Variants in AGPAT4 observed in about 807,000 individuals in gnomAD.
The protein encoded by AGPAT4 is 1-acylglycerol-3-phosphate O-acyltransferase 4.
In AGPAT4, 15 loss-of-function variants were observed where a neutral mutation model predicts 48.0. That is an observed-to-expected ratio of 0.31 (90% CI 0.21 to 0.48). AGPAT4 has a LOEUF of 0.48. Ranked by LOEUF, AGPAT4 falls within the 20% of genes least tolerant of loss-of-function variation. The pLI, the probability that AGPAT4 is intolerant of heterozygous loss-of-function variation, is 0.99. For synonymous variants in AGPAT4, 178 were observed against 198.7 expected (o/e 0.90, Z 0.88); for missense variants, 314 against 482.5 (o/e 0.65, Z 3.27).
chr6:161,219,916 C>CGGCAGGCAGGCAGGCAGGCAGGCGGCA lies in AGPAT4; in HGVS notation c.178+12119_178+12120insTGCCGCCTGCCTGCCTGCCTGCCTGCC, dbSNP rs1781780997. 9.4e-6 allele frequency among the ~76,000 whole-genome samples: 1 copy of CGGCAGGCAGGCAGGCAGGCAGGCGGCA among 105,990 alleles called. No individual in the cohort carries two copies. The highest frequency in any genetic ancestry group is 2.0e-5 in the Non-Finnish European group (1 of 49,256). The allele number at this position is 105,990 out of a possible 152,430, so 69.5% of individuals were successfully genotyped here. On this transcript the variant is annotated intron_variant, in intron 2 of 8. Coordinates refer to ENST00000320285, the MANE Select transcript of AGPAT4 (RefSeq NM_020133.3). The surrounding 1 kb of genome is among the most constrained non-coding windows in gnomAD (Gnocchi z 4.9). Reference sequence around the variant, plus strand: ...GCAGGCAGGCAGGCAGGCAGGCAGGCGGCAGGCAGGCAGGCAGGCAGGCAG... The same window carrying CGGCAGGCAGGCAGGCAGGCAGGCGGCA: ...GCAGGCAGGCAGGCAGGCAGGCAGGCGGCAGGCAGGCAGGCAGGCAGGCGGCAGGCAGGCAGGCAGGCAGGCAGGCAG...
At chr6:161,153,236 C>T in intron 5 of AGPAT4, 110 bp downstream of exon 5, 2 of 1,422,658 alleles carry the variant, frequency 1.4e-6, no homozygotes, top group Non-Finnish European at 1.9e-6. Context: ...GAGCTCCTAG[C>T]CTCAAGTCAG....
chr6:161,136,582 A>G lies in AGPAT4; in HGVS notation c.1095T>C (p.Ser365=). The part of the protein sequence containing the change: ...MIGVTEIDKG[S]AYGNSDSKQK... The stretch of plus-strand genomic sequence containing the variant: ...GCTTGCTGTCAGAGTTGCCGTAGGC[A>G]GAGCCCTTGTCAATTTCCGTCACAC... The change falls in exon 9 of 9, where the codon TCT becomes TCC. Residue 365 remains serine (S), a synonymous_variant. Transcript: ENST00000320285. The G allele has an allele frequency of 6.2e-7, 1 of 1,614,222 alleles. No individual in the cohort carries two copies. Among genetic ancestry groups the G allele is most frequent in the Non-Finnish European group, 8.5e-7 (1 of 1,180,042 alleles).
Position 161,218,175 on chromosome 6 carries a change from A to C in AGPAT4, c.178+13861T>G, listed in dbSNP as rs1178150341. ...TAGCTCTCTACCCCCGTCCACAGTG[A>C]CGGTGCCAATGGTGCTGTGCTGGAA... On this transcript the variant is annotated intron_variant, in intron 2 of 8. Transcript: ENST00000320285. The surrounding 1 kb of genome is among the most constrained non-coding windows in gnomAD (Gnocchi z 4.7). 1.3e-5 allele frequency among the ~76,000 whole-genome samples: 2 copies of C among 152,206 alleles called. No homozygotes were observed. The highest frequency in any genetic ancestry group is 1.5e-5 in the Non-Finnish European group (1 of 68,032).
At position 161,249,992 on chromosome 6, in the gene AGPAT4, T is replaced by C. The variant is rs1265437948; in HGVS notation, c.-89-17690A>G. On this transcript the variant is annotated intron_variant, in intron 1 of 8. Transcript: ENST00000320285. This position sits in a 1 kb window ranked among gnomAD's most constrained non-coding sequence, Gnocchi z 6.2. ...GGATAAAGGAAATGTGGTACATATA[T>C]ACTGTGGAATATTATGCAACTATAA... Among the ~76,000 whole-genome samples, 1 of 152,222 alleles carries C rather than the reference T, an allele frequency of 6.6e-6. No homozygotes were observed. The highest frequency in any genetic ancestry group is 6.5e-5 in the Admixed American group (1 of 15,280).
chr6:161,248,824 T>C (rs1478680516), intron 1 of AGPAT4, among the ~76,000 whole-genome samples: 1 of 152,116 alleles, frequency 6.6e-6, no homozygotes, highest in Non-Finnish European at 1.5e-5. Context: ...TAGAAAAAAC[T>C]ATTTTAAAAT....
chr6:161,183,489 G>A (rs1427993931), intron 2 of AGPAT4, among the ~76,000 whole-genome samples: 6 of 151,034 alleles, frequency 4.0e-5, no homozygotes, highest in Admixed American at 1.3e-4. Context: ...GCATGGTGGC[G>A]CATGCCTGTA....
In AGPAT4 at chr6:161,261,034, T is replaced by C. The variant is rs1450307047; in HGVS notation, c.-90+12904A>G. Among the ~76,000 whole-genome samples the C allele has an allele frequency of 6.6e-6, 1 of 152,264 alleles. No individual in the cohort carries two copies. The highest frequency in any genetic ancestry group is 2.4e-5 in the African/African-American group (1 of 41,476). ...AGAATTTCCTGAGCAGGGCTCACTC[T>C]GGTGCTCCGAGCTCGTGTATTCCGT... On this transcript the variant is annotated intron_variant, in intron 1 of 8. Coordinates refer to ENST00000320285, the MANE Select transcript of AGPAT4 (RefSeq NM_020133.3). The surrounding 1 kb of genome is among the most constrained non-coding windows in gnomAD (Gnocchi z 5.3).
intron 3 of AGPAT4, among the ~76,000 whole-genome samples, chr6:161,163,517 C>T (rs761515869): frequency 3.9e-4 from 60 of 152,286 alleles, no homozygotes; most frequent in Admixed American, 9.8e-4. Context: ...TCTCACCCAC[C>T]GTCATGGGCC....
rs1381182917 is a variant in AGPAT4, at chr6:161,133,334, T to A, written c.*3206A>T. 2 of 152,202 alleles carry A rather than the reference T, an allele frequency of 1.3e-5. No individual in the cohort carries two copies. The highest frequency in any genetic ancestry group is 2.9e-5 in the Non-Finnish European group (2 of 68,034). The allele number at this position is 152,202 out of a possible 1,614,324, so 9.4% of individuals were successfully genotyped here. On this transcript the variant is annotated 3_prime_UTR_variant, in exon 9 of 9. Transcript: ENST00000320285. ...TTAGAAAAACCCTAATGTTTTAAAA[T>A]TTTTTTAATCATCAGCTGCTTTTAC...
In AGPAT4 at chr6:161,206,734, T is replaced by A. The variant is rs1162525452; in HGVS notation, c.178+25302A>T. Among the ~76,000 whole-genome samples, 1 of 152,104 alleles carries A rather than the reference T, an allele frequency of 6.6e-6. No homozygotes were observed. The highest frequency in any genetic ancestry group is 1.5e-5 in the Non-Finnish European group (1 of 68,034). On this transcript the variant is annotated intron_variant, in intron 2 of 8. Coordinates refer to ENST00000320285, the MANE Select transcript of AGPAT4 (RefSeq NM_020133.3). This position sits in a 1 kb window ranked among gnomAD's most constrained non-coding sequence, Gnocchi z 4.8. ...GGATGACACAGACATGGAAGATATT[T>A]AAGAAGAATTTTTAAATGGCCATCA...
chr6:161,139,313 C>T lies in AGPAT4; in HGVS notation c.1042+109G>A, dbSNP rs753737388. 5.1e-5 allele frequency: 63 copies of T among 1,230,992 alleles called. No individual in the cohort carries two copies. Among genetic ancestry groups the T allele is most frequent in the African/African-American group, 1.1e-4 (7 of 66,578 alleles). The allele number at this position is 1,230,992 out of a possible 1,614,324, so 76.3% of individuals were successfully genotyped here. ...CCTGTGATTGCAAGCTGAGCCTGCT[C>T]CTCATCCACGGCACAACTGCCTATA... On this transcript the variant is annotated intron_variant, in intron 8 of 8. Transcript: ENST00000320285. The surrounding 1 kb of genome is among the most constrained non-coding windows in gnomAD (Gnocchi z 9.1).
intron 2 of AGPAT4, among the ~76,000 whole-genome samples, chr6:161,170,411 A>G (rs955013226): frequency 2.0e-5 from 3 of 151,886 alleles, no homozygotes; most frequent in Non-Finnish European, 4.4e-5. Context: ...CAGTTTGGAA[A>G]ATAGTCTTAT....
chr6:161,273,268 A>T (rs1408936400), intron 1 of AGPAT4, among the ~76,000 whole-genome samples: 4 of 152,128 alleles, frequency 2.6e-5, no homozygotes, highest in African/African-American at 9.7e-5. Context: ...AAAATTAGGT[A>T]AATAGAGAGG....
In AGPAT4 at chr6:161,229,399, C is replaced by T. The variant is rs1202277932; in HGVS notation, c.178+2637G>A. ...AGCATAGACGCTGCAGAGTCATCTG[C>T]TAGTTAAGCTGCTGAATTCCCCACA... is the stretch of plus-strand genomic sequence containing the variant. On this transcript the variant is annotated intron_variant, in intron 2 of 8. Coordinates refer to ENST00000320285, the MANE Select transcript of AGPAT4 (RefSeq NM_020133.3). The surrounding 1 kb of genome is among the most constrained non-coding windows in gnomAD (Gnocchi z 6.0). Among the ~76,000 whole-genome samples the T allele has an allele frequency of 1.3e-5, 2 of 152,152 alleles. No individual in the cohort carries two copies. Among genetic ancestry groups the T allele is most frequent in the Non-Finnish European group, 1.5e-5 (1 of 68,036 alleles).
rs1781805435 is a variant in AGPAT4 at position 161,220,550 on chromosome 6, C to A, written c.178+11486G>T. Among the ~76,000 whole-genome samples the A allele has an allele frequency of 6.6e-6, 1 of 152,114 alleles. No individual in the cohort carries two copies. The highest frequency in any genetic ancestry group is 6.5e-5 in the Admixed American group (1 of 15,270). ...CCTCAAGCAGAGCAAGTAGAGGAAC[C>A]AAAGACTTGTTGCCCTCTTTTTGGC... On this transcript the variant is annotated intron_variant, in intron 2 of 8. Coordinates refer to ENST00000320285, the MANE Select transcript of AGPAT4 (RefSeq NM_020133.3). The surrounding 1 kb of genome is among the most constrained non-coding windows in gnomAD (Gnocchi z 6.0).
Position 161,136,555 on chromosome 6 carries a change from C to G in AGPAT4, c.1122G>C (p.Gln374His). ...CCTCCCTGAGTCAGTCATTCAGTTT[C>G]TGCTTGCTGTCAGAGTTGCCGTAGG... The part of the protein sequence containing the change: ...GSAYGNSDSK[Q>H]KLND Residue 374 changes from glutamine (Q) to histidine (H), a missense_variant, in exon 9 of 9, where the codon CAG (glutamine) becomes CAC (histidine). Physicochemically the swap from Gln to His is conservative, Grantham distance 24. Coordinates refer to ENST00000320285, the MANE Select transcript of AGPAT4 (RefSeq NM_020133.3). 1 of 1,614,198 alleles carries G rather than the reference C, an allele frequency of 6.2e-7. No individual in the cohort carries two copies. The highest frequency in any genetic ancestry group is 1.1e-5 in the South Asian group (1 of 91,080).
Position 161,144,121 on chromosome 6 carries a change from C to T in AGPAT4, c.843+2403G>A, listed in dbSNP as rs184582787. On this transcript the variant is annotated intron_variant, in intron 7 of 8. Transcript: ENST00000320285. The surrounding 1 kb of genome is among the most constrained non-coding windows in gnomAD (Gnocchi z 6.6). Reference sequence around the variant, plus strand: ...AGGCTGATACAGAAAGGAATTGTCCCTTGATGTCTATTCACCACTCTGCTT... The same window carrying T: ...AGGCTGATACAGAAAGGAATTGTCCTTTGATGTCTATTCACCACTCTGCTT... The T allele has an allele frequency of 7.1e-5, 38 of 533,260 alleles. No individual in the cohort carries two copies. Among genetic ancestry groups the T allele is most frequent in the African/African-American group, 6.1e-4 (32 of 52,064 alleles). The allele number at this position is 533,260 out of a possible 1,614,324, so 33.0% of individuals were successfully genotyped here.
In AGPAT4 at chr6:161,159,729, T is replaced by G. The variant is rs1010590322; in HGVS notation, c.349-5419A>C. 6.7e-6 allele frequency among the ~76,000 whole-genome samples: 1 copy of G among 149,674 alleles called. No homozygotes were observed. The highest frequency in any genetic ancestry group is 1.5e-5 in the Non-Finnish European group (1 of 67,310). On this transcript the variant is annotated intron_variant, in intron 3 of 8. Coordinates refer to ENST00000320285, the MANE Select transcript of AGPAT4 (RefSeq NM_020133.3). The surrounding 1 kb of genome is among the most constrained non-coding windows in gnomAD (Gnocchi z 4.1). Reference sequence around the variant, plus strand: ...CACAATCTCAGCTCACTGCAATCTCTGCCTCCCGGGTTCAAGCGATTCTCC... The same window carrying G: ...CACAATCTCAGCTCACTGCAATCTCGGCCTCCCGGGTTCAAGCGATTCTCC...
chr6:161,205,137 C>A (rs542049201), intron 2 of AGPAT4, among the ~76,000 whole-genome samples: 2 of 152,162 alleles, frequency 1.3e-5, no homozygotes, highest in African/African-American at 2.4e-5. Context: ...CATCATGATT[C>A]TCTGGCACGA....
Sources: gnomAD v4.1 joint callset for allele counts (sites outside exome capture counted in the v4.1 genomes callset) on GRCh38, gnomAD v4.1.1 for gene constraint, Gnocchi (gnomAD v3.1) non-coding constraint, MANE v1.5 for transcripts, NCBI Gene and HGNC (gene_info 2026-07-23, HGNC 2026-07-21) for gene names.